Variants in SPPL3 observed in about 807,000 individuals in gnomAD.
SPPL3 encodes signal peptide peptidase like 3.
Under a neutral mutation model 42.4 loss-of-function variants are expected in SPPL3, and 5 were observed. That is an observed-to-expected ratio of 0.12 (90% CI 0.06 to 0.25). The LOEUF is 0.25. SPPL3 is among the 10% of genes least tolerant of loss of function. SPPL3 has a pLI of 1.00. For synonymous variants in SPPL3, 195 were observed against 181.8 expected (o/e 1.07, Z -0.58); for missense variants, 235 against 489.0 (o/e 0.48, Z 4.90).
chr12:120,868,076 C>A (rs965740290), intron 1 of SPPL3, among the ~76,000 whole-genome samples: 4 of 152,076 alleles, frequency 2.6e-5, no homozygotes, highest in Non-Finnish European at 5.9e-5. Context: ...TCAGCCCAGG[C>A]AACACAGTGA....
intron 1 of SPPL3, among the ~76,000 whole-genome samples, chr12:120,856,845 GAAA>G (rs1197935828): frequency 2.0e-5 from 3 of 152,228 alleles, no homozygotes; most frequent in African/African-American, 7.2e-5. Flanking sequence ...CTGAAATTAG[GAAA>G]ACCCCAAATG....
intron 1 of SPPL3, among the ~76,000 whole-genome samples, chr12:120,891,147 C>G (rs1256433024): frequency 6.6e-6 from 1 of 152,194 alleles, no homozygotes; most frequent in Non-Finnish European, 1.5e-5. Context: ...TTCCCTACTT[C>G]TACTTGTTAT....
Position 120,767,324 on chromosome 12 carries a change from C to G in SPPL3, c.973+70G>C, listed in dbSNP as rs1798819746. On this transcript the variant is annotated intron_variant, in intron 9 of 10. Coordinates refer to ENST00000353487, the MANE Select transcript of SPPL3 (RefSeq NM_139015.5). ...CCATCCAGTAACTGTAGCTAGAAGA[C>G]CTGATTTAATTCCAAAGGTTGGAGG... 37 of 1,506,882 alleles carry G rather than the reference C, an allele frequency of 2.5e-5. 1 individual carries two copies. In the South Asian group the frequency reaches 4.0e-4, roughly 16 times the overall value. The allele number at this position is 1,506,882 out of a possible 1,614,324, so 93.3% of individuals were successfully genotyped here. A position where few individuals can be genotyped will look rare whatever the true frequency, so the allele number is the denominator to read the frequency against.
intron 1 of SPPL3, among the ~76,000 whole-genome samples, chr12:120,878,903 C>T (rs1005320513): frequency 1.3e-5 from 2 of 151,746 alleles, no homozygotes; most frequent in Non-Finnish European, 2.9e-5. Context: ...CACCTGAGGT[C>T]GCGAGTTTAA....
chr12:120,830,231 C>T (rs1324800971), intron 1 of SPPL3, among the ~76,000 whole-genome samples: 13 of 92,554 alleles, frequency 1.4e-4, no homozygotes, highest in Non-Finnish European at 1.5e-4. Context: ...AAGATGACTA[C>T]GACCAAGCAA....
At chr12:120,850,618 T>C (rs1267972316) in intron 1 of SPPL3, among the ~76,000 whole-genome samples, 3 of 150,852 alleles carry the variant, frequency 2.0e-5, no homozygotes, top group African/African-American at 7.3e-5. Context: ...ACTTTCCCTT[T>C]TTAAATGTGA....
intron 1 of SPPL3, among the ~76,000 whole-genome samples, chr12:120,815,418 C>T (rs942688766): frequency 2.6e-5 from 4 of 152,086 alleles, no homozygotes; most frequent in African/African-American, 9.7e-5. Context: ...GATTAAAGGT[C>T]AGCAGGTATT....
chr12:120,826,768 T>C (rs1236155499), intron 1 of SPPL3, among the ~76,000 whole-genome samples: 1 of 152,128 alleles, frequency 6.6e-6, no homozygotes, highest in African/African-American at 2.4e-5. Context: ...TCTTGGAGTT[T>C]TCACCTAAGT....
At chr12:120,843,389 C>T (rs1164406440) in intron 1 of SPPL3, among the ~76,000 whole-genome samples, 1 of 152,172 alleles carries the variant, frequency 6.6e-6, no homozygotes, top group African/African-American at 2.4e-5. Context: ...ATGTGCGTGT[C>T]AAGATTATGA....
intron 2 of SPPL3, among the ~76,000 whole-genome samples, chr12:120,796,204 C>T (rs1460053238): frequency 6.6e-6 from 1 of 152,018 alleles, no homozygotes; most frequent in Non-Finnish European, 1.5e-5. Context: ...GGTGAAACCC[C>T]GTCTCTACTG....
intron 1 of SPPL3, among the ~76,000 whole-genome samples, chr12:120,861,611 C>T (rs145692756): frequency 0.015 from 2,298 of 152,258 alleles, 156 homozygotes; most frequent in Admixed American, 0.1. Flanking sequence ...TTCATTGAAA[C>T]GCATCCTAGC....
At chr12:120,804,819 A>G (rs1870435825) in intron 2 of SPPL3, among the ~76,000 whole-genome samples, 1 of 152,242 alleles carries the variant, frequency 6.6e-6, no homozygotes, top group African/African-American at 2.4e-5. Flanking sequence ...AACATTATTC[A>G]TAAAAGCCAA....
intron 6 of SPPL3, among the ~76,000 whole-genome samples, chr12:120,776,477 AC>A (rs2136972842): frequency 6.6e-6 from 1 of 152,122 alleles, no homozygotes; most frequent in African/African-American, 2.4e-5. Flanking sequence ...CCCATTCCAG[AC>A]CTGTCTGCAG....
chr12:120,779,441 A>C (rs1230455833), intron 6 of SPPL3, among the ~76,000 whole-genome samples: 1 of 152,218 alleles, frequency 6.6e-6, no homozygotes, highest in African/African-American at 2.4e-5. Flanking sequence ...GAATAGATGC[A>C]ATCCATACCT....
At chr12:120,829,820 CCT>C (rs1871340681) in intron 1 of SPPL3, among the ~76,000 whole-genome samples, 1 of 151,924 alleles carries the variant, frequency 6.6e-6, no homozygotes. Context: ...ATGGTAAAAC[CCT>C]GTTTCTACTA....
chr12:120,893,648 CCTG>C (rs1434402417), intron 1 of SPPL3, among the ~76,000 whole-genome samples: 3 of 152,136 alleles, frequency 2.0e-5, no homozygotes, highest in Admixed American at 6.6e-5. Context: ...AATTCAATAG[CCTG>C]CTTTTTCTTC....
At chr12:120,888,492 G>A (rs1475837551) in intron 1 of SPPL3, among the ~76,000 whole-genome samples, 1 of 152,176 alleles carries the variant, frequency 6.6e-6, no homozygotes, top group African/African-American at 2.4e-5. Flanking sequence ...AGAGAATGAA[G>A]CATTGACACA....
chr12:120,781,571 T>TGG (rs1869545691), intron 6 of SPPL3, among the ~76,000 whole-genome samples: 1 of 103,054 alleles, frequency 9.7e-6, no homozygotes, highest in African/African-American at 4.0e-5. Context: ...TTTTTTTTTT[T>TGG]TTTTTTTTTT....
intron 1 of SPPL3, among the ~76,000 whole-genome samples, chr12:120,840,276 TCAAAAAAAAAAAAA>T (rs1433574589): frequency 5.7e-5 from 1 of 17,442 alleles, no homozygotes; most frequent in African/African-American, 1.6e-4. Flanking sequence ...AGACTCTGTC[TCAAAAAAAAAAAAA>T]AAAAAAAAAA....
Sources: allele counts gnomAD v4.1 joint callset (sites outside exome capture counted in the v4.1 genomes callset), GRCh38; gene constraint gnomAD v4.1.1; transcripts MANE v1.5; gene names NCBI Gene and HGNC (gene_info 2026-07-23, HGNC 2026-07-21).